SLC25A21: variants seen among roughly 807,000 people sequenced by gnomAD.
SLC25A21 encodes the protein solute carrier family 25 member 21, also known as mitochondrial 2-oxodicarboxylate carrier.
SLC25A21 carries 47 observed loss-of-function variants against 43.8 expected under a neutral mutation model. The observed-to-expected ratio is 1.07, with a 90% confidence interval of 0.85 to 1.37. The LOEUF is 1.37. Among genes scored for constraint, SLC25A21 ranks in the 40% most tolerant of loss-of-function variants. The pLI, the probability that SLC25A21 is intolerant of heterozygous loss-of-function variation, is 0.00. For missense variants in SLC25A21, 352 were observed against 350.2 expected (o/e 1.00, Z -0.04); for synonymous variants, 131 against 121.3 (o/e 1.08, Z -0.52).
At chr14:37,016,537 A>T (rs1363083524) in intron 1 of SLC25A21, among the ~76,000 whole-genome samples, 2 of 151,468 alleles carry the variant, frequency 1.3e-5, no homozygotes, top group African/African-American at 4.9e-5. Context: ...CTCTTTTTTG[A>T]TTTTTGGCAT....
intron 1 of SLC25A21, among the ~76,000 whole-genome samples, chr14:36,887,001 G>T (rs935737231): frequency 1.3e-5 from 2 of 152,066 alleles, no homozygotes; most frequent in Non-Finnish European, 2.9e-5. Flanking sequence ...GGAAAATAAG[G>T]TGTGGATTAG....
intron 1 of SLC25A21, among the ~76,000 whole-genome samples, chr14:37,094,703 C>CAGGGTGCT (rs968804914): frequency 2.0e-5 from 3 of 149,466 alleles, no homozygotes; most frequent in Non-Finnish European, 3.0e-5. Context: ...GTCCATTTTA[C>CAGGGTGCT]AGGGTGCTCA....
intron 4 of SLC25A21, among the ~76,000 whole-genome samples, chr14:36,730,303 C>T (rs1013658814): frequency 1.3e-5 from 2 of 152,136 alleles, no homozygotes; most frequent in African/African-American, 4.8e-5. Flanking sequence ...TAATACATTT[C>T]CCCCCTTTTT....
intron 3 of SLC25A21, among the ~76,000 whole-genome samples, chr14:36,783,732 G>A (rs2138384185): frequency 6.6e-6 from 1 of 152,278 alleles, no homozygotes; most frequent in East Asian, 1.9e-4. Flanking sequence ...CTAACAGTGT[G>A]TTGAAGCTTC....
At chr14:36,803,621 A>G (rs1319661131) in intron 3 of SLC25A21, among the ~76,000 whole-genome samples, 1 of 152,156 alleles carries the variant, frequency 6.6e-6, no homozygotes. Context: ...GTCATCACTG[A>G]GACTGTGACT....
chr14:36,812,235 A>C (rs1373576898), intron 3 of SLC25A21, among the ~76,000 whole-genome samples: 2 of 152,132 alleles, frequency 1.3e-5, no homozygotes, highest in Non-Finnish European at 2.9e-5. Flanking sequence ...TAAACAGGAG[A>C]TACATGTCAG....
chr14:36,926,329 A>G (rs890884920), intron 1 of SLC25A21, among the ~76,000 whole-genome samples: 5 of 152,338 alleles, frequency 3.3e-5, no homozygotes, highest in African/African-American at 1.2e-4. Flanking sequence ...TGAAAACACA[A>G]CATTATCAAA....
intron 1 of SLC25A21, among the ~76,000 whole-genome samples, chr14:37,138,482 C>G (rs1318247328): frequency 6.6e-6 from 1 of 152,072 alleles, no homozygotes; most frequent in African/African-American, 2.4e-5. Flanking sequence ...ATTAAAATCT[C>G]CATAGCAAAG....
chr14:37,102,289 T>TA (rs1346912311), intron 1 of SLC25A21, among the ~76,000 whole-genome samples: 6 of 150,552 alleles, frequency 4.0e-5, no homozygotes, highest in East Asian at 4.0e-4. Flanking sequence ...AAAAATACAA[T>TA]AAAAAAAGCC....
intron 3 of SLC25A21, among the ~76,000 whole-genome samples, chr14:36,810,327 T>C (rs1888194581): frequency 1.3e-5 from 2 of 152,292 alleles, no homozygotes; most frequent in Admixed American, 1.3e-4. Flanking sequence ...AAAACACACA[T>C]GAATTGAAGA....
At chr14:36,850,247 T>A (rs1176705288) in intron 2 of SLC25A21, among the ~76,000 whole-genome samples, 1 of 152,204 alleles carries the variant, frequency 6.6e-6, no homozygotes, top group Non-Finnish European at 1.5e-5. Context: ...AAAGAAGTAA[T>A]CATTGCAACC....
chr14:36,834,906 C>A (rs1007381627), intron 2 of SLC25A21, among the ~76,000 whole-genome samples: 2 of 152,042 alleles, frequency 1.3e-5, no homozygotes, highest in Non-Finnish European at 2.9e-5. Flanking sequence ...AAATGGTAAC[C>A]CTATTAATGC....
chr14:37,128,432 C>T (rs1160925014), intron 1 of SLC25A21, among the ~76,000 whole-genome samples: 3 of 151,766 alleles, frequency 2.0e-5, no homozygotes, highest in South Asian at 4.2e-4. Context: ...TGTGTTATTT[C>T]GATGTGTTAA....
chr14:37,112,692 C>T (rs914386530), intron 1 of SLC25A21, among the ~76,000 whole-genome samples: 3 of 152,132 alleles, frequency 2.0e-5, no homozygotes, highest in African/African-American at 4.8e-5. Context: ...GCTTTCCCTC[C>T]GTTCTTATGA....
Position 36,796,655 on chromosome 14 carries a change from C to G in SLC25A21, c.203+17263G>C, listed in dbSNP as rs189473902. Among the ~76,000 whole-genome samples the G allele has an allele frequency of 9.3e-4, 141 of 152,138 alleles. No homozygotes were observed. In the Middle Eastern group the frequency reaches 0.017, roughly 18 times the overall value. On this transcript the variant is annotated intron_variant, in intron 3 of 9. Transcript: ENST00000331299. Reference sequence around the variant, plus strand: ...GTATAAAATTCCTTGCTAAGACTACCTCTCAGTGGCGGCAAGATTCTGACA... The same window carrying G: ...GTATAAAATTCCTTGCTAAGACTACGTCTCAGTGGCGGCAAGATTCTGACA...
chr14:36,904,601 T>C (rs1482749897), intron 1 of SLC25A21, among the ~76,000 whole-genome samples: 6 of 152,336 alleles, frequency 3.9e-5, no homozygotes, highest in Non-Finnish European at 8.8e-5. Flanking sequence ...AGAGGTTTAA[T>C]TGACTCACAG....
At chr14:37,169,863 T>G (rs905586900) in intron 1 of SLC25A21, among the ~76,000 whole-genome samples, 3 of 152,146 alleles carry the variant, frequency 2.0e-5, no homozygotes, top group African/African-American at 7.2e-5. Context: ...CTCTAATCAT[T>G]TATTAATAAC....
At chr14:36,981,200 G>T (rs1014255287) in intron 1 of SLC25A21, among the ~76,000 whole-genome samples, 2 of 152,204 alleles carry the variant, frequency 1.3e-5, no homozygotes, top group Admixed American at 1.3e-4. Context: ...AGGTGCTGGA[G>T]AAGATGTGGA....
chr14:36,824,967 G>A (rs568111949), intron 2 of SLC25A21, among the ~76,000 whole-genome samples: 2 of 152,144 alleles, frequency 1.3e-5, no homozygotes, highest in African/African-American at 4.8e-5. Context: ...ATCTTTGTAG[G>A]AGGTTTTAGA....
Sources: allele counts gnomAD v4.1 joint callset (sites outside exome capture counted in the v4.1 genomes callset), GRCh38; gene constraint gnomAD v4.1.1; transcripts MANE v1.5; gene names NCBI Gene and HGNC (gene_info 2026-07-23, HGNC 2026-07-21).